Variants in MYZAP observed in about 807,000 individuals in gnomAD.
The protein encoded by MYZAP is myocardial zonula adherens protein.
MYZAP carries 66 observed loss-of-function variants against 69.4 expected under a neutral mutation model. The ratio of observed to expected loss-of-function variants is 0.95; its 90% CI spans 0.78 to 1.17. The LOEUF (loss-of-function observed/expected upper bound fraction) is 1.17, where lower values mean the gene tolerates loss of function less well. MYZAP is among the 50% of genes most tolerant of loss of function. The pLI, the probability that MYZAP is intolerant of heterozygous loss-of-function variation, is 0.00. For synonymous variants in MYZAP, 256 were observed against 205.9 expected (o/e 1.24, Z -2.09); for missense variants, 611 against 556.2 (o/e 1.10, Z -0.99).
intron 4 of MYZAP, among the ~76,000 whole-genome samples, chr15:57,625,335 C>T (rs1330683382): frequency 1.3e-5 from 2 of 152,160 alleles, no homozygotes; most frequent in African/African-American, 4.8e-5. Context: ...CGGCCTCCCA[C>T]AGTGCTGGGA....
chr15:57,593,182 A>G (rs1186277179), intron 1 of MYZAP, among the ~76,000 whole-genome samples: 2 of 108,792 alleles, frequency 1.8e-5, no homozygotes, highest in African/African-American at 7.4e-5. Flanking sequence ...GGTTGTGTAC[A>G]CAGGCGCACA....
chr15:57,606,906 G>A (rs2140343229), intron 2 of MYZAP, among the ~76,000 whole-genome samples: 1 of 152,284 alleles, frequency 6.6e-6, no homozygotes, highest in African/African-American at 2.4e-5. Flanking sequence ...GACAAAGTTT[G>A]GGAGTAAAAG....
intron 11 of MYZAP, 65 bp downstream of exon 11, chr15:57,661,598 A>G (rs1043486995): frequency 7.5e-7 from 1 of 1,338,570 alleles, no homozygotes; most frequent in Non-Finnish European, 1.0e-6. Flanking sequence ...TGCTAAGCCT[A>G]CCACCGACAC....
At chr15:57,641,076 C>G (rs373393495) in intron 10 of MYZAP, among the ~76,000 whole-genome samples, 1 of 152,174 alleles carries the variant, frequency 6.6e-6, no homozygotes, top group Admixed American at 6.5e-5. Context: ...TTATTTTCCC[C>G]TATGCGAGTC....
chr15:57,677,188 C>CG (rs1352401053), intron 12 of MYZAP, among the ~76,000 whole-genome samples: 8 of 152,132 alleles, frequency 5.3e-5, no homozygotes, highest in African/African-American at 1.4e-4. Context: ...TCGGGATGCC[C>CG]GGGGGGATGA....
At chr15:57,642,388 G>C (rs2037210778) in intron 10 of MYZAP, among the ~76,000 whole-genome samples, 1 of 152,150 alleles carries the variant, frequency 6.6e-6, no homozygotes, top group African/African-American at 2.4e-5. Context: ...GAAAAATCCG[G>C]AGTACTGAAT....
intron 12 of MYZAP, among the ~76,000 whole-genome samples, chr15:57,681,674 A>T (rs2039453620): frequency 6.6e-6 from 1 of 152,154 alleles, no homozygotes; most frequent in African/African-American, 2.4e-5. Context: ...AATCCCAGCT[A>T]CTTGGGAGGC....
chr15:57,620,399 G>A (rs1198223226), intron 3 of MYZAP, among the ~76,000 whole-genome samples: 1 of 152,208 alleles, frequency 6.6e-6, no homozygotes, highest in East Asian at 1.9e-4. Flanking sequence ...AAATTCTGGA[G>A]TGTGCTGGAG....
At chr15:57,648,954 A>C (rs2256296) in intron 10 of MYZAP, among the ~76,000 whole-genome samples, 1 of 150,662 alleles carries the variant, frequency 6.6e-6, no homozygotes, top group Non-Finnish European at 1.5e-5. Context: ...TATATATATA[A>C]AATTAGTATG....
intron 2 of MYZAP, among the ~76,000 whole-genome samples, chr15:57,614,936 A>T (rs1043516372): frequency 2.0e-5 from 3 of 152,036 alleles, no homozygotes; most frequent in Non-Finnish European, 4.4e-5. Flanking sequence ...CCTGACAACA[A>T]ATTTCTTCCC....
At chr15:57,663,847 T>G (rs1394970187) in intron 11 of MYZAP, among the ~76,000 whole-genome samples, 1 of 152,210 alleles carries the variant, frequency 6.6e-6, no homozygotes, top group East Asian at 1.9e-4. Context: ...CAATAATGAT[T>G]ATCAATTTGA....
chr15:57,661,603 C>T (rs1238154210), intron 11 of MYZAP, 70 bp downstream of exon 11: 24 of 1,308,854 alleles, frequency 1.8e-5, no homozygotes, highest in East Asian at 7.4e-5. Flanking sequence ...AGCCTACCAC[C>T]GACACTTAAT....
intron 2 of MYZAP, among the ~76,000 whole-genome samples, chr15:57,610,812 G>A (rs1595863345): frequency 6.6e-6 from 1 of 152,102 alleles, no homozygotes; most frequent in South Asian, 2.1e-4. Context: ...GAGGAGCTGG[G>A]AATAGTGTCT....
chr15:57,643,604 T>C (rs986621620), intron 10 of MYZAP, among the ~76,000 whole-genome samples: 1 of 152,192 alleles, frequency 6.6e-6, no homozygotes, highest in Non-Finnish European at 1.5e-5. Flanking sequence ...CCAAAGCAGC[T>C]CTCCTGCCAA....
intron 10 of MYZAP, chr15:57,647,047 T>G (rs1372237027): frequency 1.0e-6 from 1 of 985,304 alleles, no homozygotes; most frequent in Non-Finnish European, 1.2e-6. Context: ...ATGGGGCTCG[T>G]GGAGTGAGTG....
At chr15:57,601,651 C>T (rs1455027049) in intron 1 of MYZAP, among the ~76,000 whole-genome samples, 2 of 151,978 alleles carry the variant, frequency 1.3e-5, no homozygotes, top group Non-Finnish European at 2.9e-5. Flanking sequence ...CAATGATAGC[C>T]CTGGGGGTCA....
At chr15:57,614,857 A>C (rs2035331783) in intron 2 of MYZAP, among the ~76,000 whole-genome samples, 1 of 152,218 alleles carries the variant, frequency 6.6e-6, no homozygotes, top group Non-Finnish European at 1.5e-5. Flanking sequence ...CATACTATTT[A>C]CACAGTAGGG....
intron 10 of MYZAP, among the ~76,000 whole-genome samples, chr15:57,659,017 C>T (rs2038145448): frequency 6.6e-6 from 1 of 152,174 alleles, no homozygotes; most frequent in Non-Finnish European, 1.5e-5. Context: ...AAACTCCTTT[C>T]CAAGTAAGGA....
intron 10 of MYZAP, 31 bp downstream of exon 10, chr15:57,639,576 G>A (rs1457132670): frequency 1.2e-6 from 2 of 1,604,342 alleles, no homozygotes; most frequent in East Asian, 4.5e-5. Flanking sequence ...ACAGGCCTGG[G>A]ATTGCTTCCT....
Sources: gnomAD v4.1 joint callset for allele counts (sites outside exome capture counted in the v4.1 genomes callset) on GRCh38, gnomAD v4.1.1 for gene constraint, MANE v1.5 for transcripts, NCBI Gene and HGNC (gene_info 2026-07-23, HGNC 2026-07-21) for gene names.